The following CLSTN3 variants were observed in gnomAD, a reference collection of about 807,000 sequenced individuals.
CLSTN3 encodes calsyntenin 3.
CLSTN3 carries 36 observed loss-of-function variants against 95.9 expected under a neutral mutation model. The observed-to-expected ratio is 0.38, with a 90% CI of 0.29 to 0.50. The LOEUF (loss-of-function observed/expected upper bound fraction) is 0.50, where lower values mean the gene tolerates loss of function less well. CLSTN3 is among the 20% of genes least tolerant of loss of function. The probability of loss-of-function intolerance (pLI) is 0.95; values close to 1 mark genes in which losing one functional copy is unlikely to be tolerated. For synonymous variants in CLSTN3, 481 were observed against 504.0 expected (o/e 0.95, Z 0.61); for missense variants, 1,084 against 1,268.8 (o/e 0.85, Z 2.21).
chr12:7,130,786 G>T, intron 1 of CLSTN3, 74 bp downstream of exon 1: 1 of 1,363,874 alleles, frequency 7.3e-7, no homozygotes, highest in Non-Finnish European at 1.0e-6. Flanking sequence ...GTGGGAAGGA[G>T]GTGTCGAGGC....
chr12:7,155,866 G>A, intron 16 of CLSTN3: 2 of 207,530 alleles, frequency 9.6e-6, no homozygotes, highest in Non-Finnish European at 2.0e-5. Context: ...CCCAGGCAGG[G>A]CATTCTCCAC....
chr12:7,157,273 C>T lies in CLSTN3; in HGVS notation c.2528-216C>T, dbSNP rs73050036. Among the ~76,000 whole-genome samples the T allele has an allele frequency of 0.013, 2,053 of 152,314 alleles. 26 individuals carry two copies. Among genetic ancestry groups the T allele is most frequent in the Non-Finnish European group, 0.016 (1,102 of 68,024 alleles). On this transcript the variant is annotated intron_variant, in intron 16 of 17. Coordinates refer to ENST00000266546, the MANE Select transcript of CLSTN3 (RefSeq NM_014718.4). The surrounding 1 kb of genome is among the most constrained non-coding windows in gnomAD (Gnocchi z 5.9). ...CCTCCCTCTGTGTTTGTTCCTTTGC[C>T]TTGCAGCAGCTCCCTTCCTCCCCTT...
In CLSTN3 at chr12:7,141,937, G is replaced by A; in HGVS notation, c.1487-149G>A. 4 of 627,072 alleles carry A rather than the reference G, an allele frequency of 6.4e-6. No homozygotes were observed. Among genetic ancestry groups the A allele is most frequent in the Non-Finnish European group, 1.1e-5 (4 of 361,504 alleles). 38.8% of individuals were successfully genotyped at this position (627,072 alleles called of 1,614,324 possible). On this transcript the variant is annotated intron_variant, in intron 9 of 17. Coordinates refer to ENST00000266546, the MANE Select transcript of CLSTN3 (RefSeq NM_014718.4). The surrounding 1 kb of genome is among the most constrained non-coding windows in gnomAD (Gnocchi z 4.1). ...AAGAAGGGTTGGGGCTGAGCTGAGA[G>A]GTTGCAAGTTATACATGGGCAGGGT...
At chr12:7,148,833 A>T in intron 12 of CLSTN3, 139 bp from the exon 13 acceptor site, 1 of 696,018 alleles carries the variant, frequency 1.4e-6, no homozygotes, top group Non-Finnish European at 2.4e-6. Flanking sequence ...CAGAGGCATG[A>T]CCCCCTTTCT....
chr12:7,131,763 A>G (rs771200925), intron 1 of CLSTN3: 5 of 437,458 alleles, frequency 1.1e-5, no homozygotes, highest in Non-Finnish European at 1.8e-5. Flanking sequence ...GCCTCCTGCC[A>G]CTTCCTGTAC....
In CLSTN3 at chr12:7,149,772, C is replaced by T. The variant is rs1388728407; in HGVS notation, c.2245+79C>T. On this transcript the variant is annotated intron_variant, in intron 14 of 17. Transcript: ENST00000266546. This position sits in a 1 kb window ranked among gnomAD's most constrained non-coding sequence, Gnocchi z 4.5. ...TAAGGGCCTAGGAAGCCCAGAGGGT[C>T]CTCCTTCCAGGTCCAGGGATGTGGA... 2.9e-6 allele frequency: 4 copies of T among 1,375,730 alleles called. No individual in the cohort carries two copies. The highest frequency in any genetic ancestry group is 4.5e-5 in the Admixed American group (2 of 44,822). The allele number at this position is 1,375,730 out of a possible 1,614,324, so 85.2% of individuals were successfully genotyped here.
At chr12:7,132,929 G>C (rs774668840) in intron 1 of CLSTN3, 95 bp from the exon 2 acceptor site, 3 of 1,552,796 alleles carry the variant, frequency 1.9e-6, no homozygotes, top group Non-Finnish European at 1.8e-6. Flanking sequence ...AGGTGATGGT[G>C]CTGGGGTGTG....
In CLSTN3 at chr12:7,149,824, C is replaced by T; in HGVS notation, c.2245+131C>T. 1 of 795,626 alleles carries T rather than the reference C, an allele frequency of 1.3e-6. No homozygotes were observed. Among genetic ancestry groups the T allele is most frequent in the Non-Finnish European group, 1.9e-6 (1 of 512,894 alleles). 49.3% of individuals were successfully genotyped at this position (795,626 alleles called of 1,614,324 possible). A position where few individuals can be genotyped will look rare whatever the true frequency, so the allele number is the denominator to read the frequency against. On this transcript the variant is annotated intron_variant, in intron 14 of 17. Coordinates refer to ENST00000266546, the MANE Select transcript of CLSTN3 (RefSeq NM_014718.4). The surrounding 1 kb of genome is among the most constrained non-coding windows in gnomAD (Gnocchi z 4.5). ...AAGTGCCGTTTTGCATTTTCCTAGC[C>T]TGGAAGATCCTCTGGCTTTGATTGT...
intron 1 of CLSTN3, chr12:7,131,789 A>C: frequency 2.2e-6 from 1 of 456,392 alleles, no homozygotes; most frequent in Non-Finnish European, 4.4e-6. Context: ...CCTGTGCACC[A>C]TCTTGTGGCT....
chr12:7,157,396 G>T lies in CLSTN3; in HGVS notation c.2528-93G>T. ...TGTGTTCTGCCCTGGGAGTCCTTCA[G>T]CCCGGGCTGCCTCTTTTCCTACCCA... On this transcript the variant is annotated intron_variant, in intron 16 of 17. Coordinates refer to ENST00000266546, the MANE Select transcript of CLSTN3 (RefSeq NM_014718.4). This position sits in a 1 kb window ranked among gnomAD's most constrained non-coding sequence, Gnocchi z 5.9. 7.0e-6 allele frequency: 8 copies of T among 1,137,920 alleles called. No homozygotes were observed. The highest frequency in any genetic ancestry group is 9.8e-6 in the Non-Finnish European group (8 of 820,200). The allele number at this position is 1,137,920 out of a possible 1,614,324, so 70.5% of individuals were successfully genotyped here.
intron 8 of CLSTN3, among the ~76,000 whole-genome samples, chr12:7,139,202 A>C (rs1939484625): frequency 6.6e-6 from 1 of 152,236 alleles, no homozygotes; most frequent in African/African-American, 2.4e-5. Context: ...TAAAATGATA[A>C]ATTGTGAGAA....
intron 5 of CLSTN3, 100 bp from the exon 6 acceptor site, chr12:7,136,106 G>C: frequency 6.6e-7 from 1 of 1,510,194 alleles, no homozygotes; most frequent in African/African-American, 1.4e-5. Context: ...ATCCTGCCAG[G>C]AGCCCCAAAC....
intron 16 of CLSTN3, 31 bp downstream of exon 16, chr12:7,151,094 G>A: frequency 6.5e-7 from 1 of 1,529,272 alleles, no homozygotes; most frequent in African/African-American, 1.4e-5. Context: ...TGGGCAGGGA[G>A]GGGCAGGTGG....
chr12:7,133,213 AAGGG>A lies in CLSTN3; in HGVS notation c.187+77_187+80del. The A allele has an allele frequency of 2.6e-6, 4 of 1,567,020 alleles. No homozygotes were observed. The highest frequency in any genetic ancestry group is 1.1e-5 in the South Asian group (1 of 88,514). Reference sequence around the variant, plus strand: ...AAAAGTGGGTGGGAGGGCCAAGAGCAAGGGAGGGAGGGAAGGTCCTGGGAGTGAT... The same window carrying A: ...AAAAGTGGGTGGGAGGGCCAAGAGCAAGGGAGGGAAGGTCCTGGGAGTGAT... On this transcript the variant is annotated intron_variant, in intron 2 of 17. Coordinates refer to ENST00000266546, the MANE Select transcript of CLSTN3 (RefSeq NM_014718.4). This position sits in a 1 kb window ranked among gnomAD's most constrained non-coding sequence, Gnocchi z 4.7.
chr12:7,129,865 T>C (rs948586818), upstream of CLSTN3: 2 of 966,532 alleles, frequency 2.1e-6, no homozygotes, highest in Non-Finnish European at 2.5e-6. This position sits in a 1 kb window ranked among gnomAD's most constrained non-coding sequence, Gnocchi z 5.5. Flanking sequence ...CTGCCCCTCC[T>C]TGGGTCCCAG....
rs1359782836 is a variant in CLSTN3, at chr12:7,135,464, C to T, written c.521C>T (p.Ser174Phe). The T allele has an allele frequency of 1.9e-6, 3 of 1,614,042 alleles. No individual in the cohort carries two copies. The highest frequency in any genetic ancestry group is 2.5e-6 in the Non-Finnish European group (3 of 1,179,954). ...GTGGAAGCCATTGACGGTGACTGCT[C>T]CCCCCAGTACAGCCAGATCTGCTAC... Reference protein sequence around the residue: ...LRVEAIDGDCSPQYSQICYYE... With the variant: ...LRVEAIDGDCFPQYSQICYYE... The change falls in exon 4 of 18, where the codon TCC (serine) becomes TTC (phenylalanine). Residue 174 changes from serine to phenylalanine, a missense_variant. By Grantham distance (155) the Ser-to-Phe change is radical. Coordinates refer to ENST00000266546, the MANE Select transcript of CLSTN3 (RefSeq NM_014718.4).
At position 7,158,244 on chromosome 12, in the gene CLSTN3, G is replaced by T. The variant is rs1939857935; in HGVS notation, c.*163G>T. The T allele has an allele frequency of 2.5e-6, 2 of 791,096 alleles. No homozygotes were observed. The highest frequency in any genetic ancestry group is 3.8e-6 in the Non-Finnish European group (2 of 529,660). The allele number at this position is 791,096 out of a possible 1,614,324, so 49.0% of individuals were successfully genotyped here. On this transcript the variant is annotated 3_prime_UTR_variant, in exon 18 of 18. Transcript: ENST00000266546. Reference sequence around the variant, plus strand: ...AACCCCAGCGGGCCCTCTGGAGTCCGCCCTGCCCCTCCCCCGGCCCCCCAT... The same window carrying T: ...AACCCCAGCGGGCCCTCTGGAGTCCTCCCTGCCCCTCCCCCGGCCCCCCAT...
At position 7,150,609 on chromosome 12, in the gene CLSTN3, G is replaced by A; in HGVS notation, c.2311G>A (p.Ala771Thr). ...GGCTCGTTATCGGCTGCGACACGGA[G>A]CTGCCCTCTACACCAGGAAGTTCCG... is the stretch of plus-strand genomic sequence containing the variant. Reference protein sequence around the residue: ...RQARYRLRHGAALYTRKFRLS... With the variant: ...RQARYRLRHGTALYTRKFRLS... Residue 771 changes from alanine (A) to threonine (T), a missense_variant, in exon 15 of 18, where the codon GCT (alanine) becomes ACT (threonine). Ala to Thr is a moderately conservative substitution (Grantham distance 58). Transcript: ENST00000266546. This position sits in a 1 kb window ranked among gnomAD's most constrained non-coding sequence, Gnocchi z 4.0. 6.2e-7 allele frequency: 1 copy of A among 1,614,012 alleles called. No homozygotes were observed. Among genetic ancestry groups the A allele is most frequent in the African/African-American group, 1.3e-5 (1 of 74,988 alleles).
chr12:7,130,299 C>A, upstream of CLSTN3: 1 of 938,484 alleles, frequency 1.1e-6, no homozygotes, highest in Non-Finnish European at 1.4e-6. Flanking sequence ...GCTGCAGCAC[C>A]TGGTCCCCCC....
Sources: gnomAD v4.1 joint callset for allele counts (sites outside exome capture counted in the v4.1 genomes callset) on GRCh38, gnomAD v4.1.1 for gene constraint, Gnocchi (gnomAD v3.1) non-coding constraint, MANE v1.5 for transcripts, NCBI Gene and HGNC (gene_info 2026-07-23, HGNC 2026-07-21) for gene names.